The following GRM5 variants were observed in gnomAD, a reference collection of about 807,000 sequenced individuals.
GRM5 encodes glutamate metabotropic receptor 5, also known as metabotropic glutamate receptor 5.
Under a neutral mutation model 83.1 loss-of-function variants are expected in GRM5, and 19 were observed. The observed-to-expected ratio is 0.23, with a 90% CI of 0.16 to 0.34. The LOEUF (loss-of-function observed/expected upper bound fraction) is 0.34, where lower values mean the gene tolerates loss of function less well. Ranked by LOEUF, GRM5 falls within the 10% of genes least tolerant of loss-of-function variation. The pLI is 1.00. For missense variants in GRM5, 1,160 were observed against 1,588.3 expected, an observed-to-expected ratio of 0.73 and a Z score of 4.58; for synonymous variants, 675 against 633.6, an observed-to-expected ratio of 1.07 and a Z score of -0.98.
At chr11:88,532,345 GAA>G (rs935231920) in intron 8 of GRM5, among the ~76,000 whole-genome samples, 2 of 152,114 alleles carry the variant, frequency 1.3e-5, no homozygotes, top group Non-Finnish European at 2.9e-5. Context: ...AATATGGGAG[GAA>G]AAGAGTCTTT....
chr11:88,603,347 C>G (rs1938052781), intron 5 of GRM5, among the ~76,000 whole-genome samples: 1 of 152,152 alleles, frequency 6.6e-6, no homozygotes, highest in Admixed American at 6.5e-5. Context: ...ATTCTATCAG[C>G]AAGTCCTAAG....
chr11:88,793,281 T>G (rs1943211909), intron 3 of GRM5, among the ~76,000 whole-genome samples: 3 of 152,202 alleles, frequency 2.0e-5, no homozygotes, highest in African/African-American at 7.2e-5. Flanking sequence ...ATTTTTTCAT[T>G]GTTTCAATTA....
At chr11:88,756,062 G>A (rs954138574) in intron 3 of GRM5, among the ~76,000 whole-genome samples, 2 of 152,116 alleles carry the variant, frequency 1.3e-5, no homozygotes, top group African/African-American at 4.8e-5. Flanking sequence ...GCCATTTTCT[G>A]TCTCTACATT....
chr11:88,508,956 G>A lies in GRM5; in HGVS notation c.3275C>T (p.Pro1092Leu). ...GGGGATCAGGTAGGACGAGCAGAGC[G>A]GGGCGCCGACGCCGGGGCTGGGGGC... ...TAAPSPGVGA[P>L]LCSSYLIPKE... The change falls in exon 10 of 10, where the codon CCG (proline) becomes CTG (leucine). Residue 1092 changes from proline to leucine, a missense_variant. By Grantham distance (98) the Pro-to-Leu change is moderately conservative. Transcript: ENST00000305447. The surrounding 1 kb of genome is among the most constrained non-coding windows in gnomAD (Gnocchi z 4.2). 5 of 1,593,238 alleles carry A rather than the reference G, an allele frequency of 3.1e-6. No individual in the cohort carries two copies. The highest frequency in any genetic ancestry group is 4.3e-6 in the Non-Finnish European group (5 of 1,170,170).
At chr11:88,832,247 C>A (rs1383970919) in intron 3 of GRM5, among the ~76,000 whole-genome samples, 7 of 152,072 alleles carry the variant, frequency 4.6e-5, no homozygotes, top group African/African-American at 1.7e-4. Flanking sequence ...TACCAAAAAC[C>A]TTTTAGATCT....
chr11:88,846,124 A>G (rs1250622843), intron 3 of GRM5, among the ~76,000 whole-genome samples: 8 of 152,224 alleles, frequency 5.3e-5, no homozygotes, highest in Admixed American at 4.6e-4. Context: ...CGTAGTAAAG[A>G]ATATTCTCAA....
intron 2 of GRM5, among the ~76,000 whole-genome samples, chr11:88,964,948 A>G (rs570015316): frequency 3.7e-4 from 57 of 152,316 alleles, no homozygotes; most frequent in African/African-American, 1.4e-3. Flanking sequence ...AAAAGTTGCT[A>G]AGTTAACTCA....
intron 3 of GRM5, among the ~76,000 whole-genome samples, chr11:88,824,701 C>T (rs1297659833): frequency 1.3e-5 from 2 of 152,134 alleles, no homozygotes; most frequent in East Asian, 3.9e-4. Flanking sequence ...AGAATGCTCA[C>T]TTGCCCACTG....
At chr11:88,866,828 T>G (rs1422946735) in intron 2 of GRM5, among the ~76,000 whole-genome samples, 1 of 152,158 alleles carries the variant, frequency 6.6e-6, no homozygotes, top group Non-Finnish European at 1.5e-5. Context: ...TCTAGAGTTT[T>G]TATGGTTTTA....
intron 3 of GRM5, among the ~76,000 whole-genome samples, chr11:88,694,439 T>C (rs1940854874): frequency 6.6e-6 from 1 of 152,060 alleles, no homozygotes; most frequent in Non-Finnish European, 1.5e-5. Context: ...TGCAAGGATG[T>C]GACAAAGTGT....
chr11:88,509,588 G>T (rs1211464977), intron 9 of GRM5, 84 bp from the exon 10 acceptor site: 4 of 959,956 alleles, frequency 4.2e-6, no homozygotes, highest in Non-Finnish European at 3.2e-6. Flanking sequence ...GGTTGCTCAT[G>T]GGCCCCGGAC....
chr11:88,579,211 A>G (rs1943177302), intron 7 of GRM5, among the ~76,000 whole-genome samples: 1 of 152,170 alleles, frequency 6.6e-6, no homozygotes, highest in Admixed American at 6.5e-5. Context: ...CTATTCTGAT[A>G]GGTGACAGGT....
At chr11:88,557,176 C>G (rs376066059) in intron 8 of GRM5, among the ~76,000 whole-genome samples, 10 of 152,148 alleles carry the variant, frequency 6.6e-5, no homozygotes, top group African/African-American at 2.2e-4. Context: ...GCTTCCGTTA[C>G]TAATTTTTCT....
Position 89,047,115 on chromosome 11 carries a change from T to C in GRM5, c.661+97A>G. Reference sequence around the variant, plus strand: ...GGTATAACTCGGACAATTCAAAATATCCAAAATAATTAGGAATAGTTTACT... The same window carrying C: ...GGTATAACTCGGACAATTCAAAATACCCAAAATAATTAGGAATAGTTTACT... On this transcript the variant is annotated intron_variant, in intron 2 of 9. Coordinates refer to ENST00000305447, the MANE Select transcript of GRM5 (RefSeq NM_001143831.3). This position sits in a 1 kb window ranked among gnomAD's most constrained non-coding sequence, Gnocchi z 5.1. 1 of 944,268 alleles carries C rather than the reference T, an allele frequency of 1.1e-6. No homozygotes were observed. Among genetic ancestry groups the C allele is most frequent in the Non-Finnish European group, 1.6e-6 (1 of 613,806 alleles). 58.5% of individuals were successfully genotyped at this position (944,268 alleles called of 1,614,324 possible). A position where few individuals can be genotyped will look rare whatever the true frequency, so the allele number is the denominator to read the frequency against.
chr11:88,566,914 G>T, intron 8 of GRM5, 139 bp downstream of exon 8: 1 of 606,078 alleles, frequency 1.6e-6, no homozygotes, highest in Non-Finnish European at 2.9e-6. Context: ...ACCATTTTAT[G>T]AGAAGGTCCA....
At chr11:88,698,576 G>A (rs962330817) in intron 3 of GRM5, among the ~76,000 whole-genome samples, 3 of 152,122 alleles carry the variant, frequency 2.0e-5, no homozygotes, top group African/African-American at 7.2e-5. Context: ...GGATTCAATA[G>A]CATGGGATCT....
intron 3 of GRM5, among the ~76,000 whole-genome samples, chr11:88,686,641 G>A (rs1940628457): frequency 6.6e-6 from 1 of 152,116 alleles, no homozygotes; most frequent in Non-Finnish European, 1.5e-5. Flanking sequence ...GAGATAATTT[G>A]AATCAAGGGG....
intron 2 of GRM5, among the ~76,000 whole-genome samples, chr11:88,926,095 A>G (rs928584891): frequency 2.0e-5 from 3 of 152,164 alleles, no homozygotes; most frequent in African/African-American, 7.2e-5. Flanking sequence ...TTATATGCAC[A>G]ACACTATGTT....
chr11:88,638,388 C>T (rs1043590245), intron 4 of GRM5, among the ~76,000 whole-genome samples: 3 of 151,814 alleles, frequency 2.0e-5, no homozygotes, highest in Admixed American at 6.6e-5. Flanking sequence ...TTCATGAGGT[C>T]TATATGAGGT....
Sources: allele counts gnomAD v4.1 joint callset (sites outside exome capture counted in the v4.1 genomes callset), GRCh38; gene constraint gnomAD v4.1.1; non-coding constraint Gnocchi (gnomAD v3.1); transcripts MANE v1.5; gene names NCBI Gene and HGNC (gene_info 2026-07-23, HGNC 2026-07-21).